BCAS1: variants seen among roughly 807,000 people sequenced by gnomAD.
BCAS1 encodes the protein breast carcinoma-amplified sequence 1.
A neutral mutation model predicts 65.4 loss-of-function variants in BCAS1; 46 were observed. The ratio of observed to expected loss-of-function variants is 0.70; its 90% CI spans 0.55 to 0.90. BCAS1 has a LOEUF of 0.90. Ranked by LOEUF, BCAS1 falls within the 40% of genes least tolerant of loss-of-function variation. BCAS1 has a pLI of 0.00. For missense variants in BCAS1, 793 were observed against 771.2 expected (o/e 1.03, Z -0.33); for synonymous variants, 298 against 293.5 (o/e 1.02, Z -0.16).
intron 3 of BCAS1, among the ~76,000 whole-genome samples, chr20:54,043,322 TGATGATGACGATGA>T (rs2092035148): frequency 1.3e-5 from 2 of 149,632 alleles, no homozygotes; most frequent in South Asian, 4.2e-4. Flanking sequence ...ATGATGATGA[TGATGATGACGATGA>T]TTTTTTTTAT....
intron 9 of BCAS1, among the ~76,000 whole-genome samples, chr20:53,971,668 T>G (rs1040260979): frequency 1.3e-5 from 2 of 152,256 alleles, no homozygotes; most frequent in Non-Finnish European, 2.9e-5. Context: ...AATTAAATTT[T>G]ATTTGAAAGC....
chr20:53,945,946 AT>A (rs1233967176), intron 12 of BCAS1, among the ~76,000 whole-genome samples: 1 of 151,680 alleles, frequency 6.6e-6, no homozygotes, highest in African/African-American at 2.4e-5. Flanking sequence ...TAATTTTAAA[AT>A]TTTTTTTGTA....
At chr20:53,945,181 C>G (rs902890840) in intron 12 of BCAS1, among the ~76,000 whole-genome samples, 185 bp from the exon 13 acceptor site, 4 of 152,208 alleles carry the variant, frequency 2.6e-5, no homozygotes, top group Non-Finnish European at 4.4e-5. Context: ...AGTTACATGA[C>G]TTTCTAGCTT....
chr20:54,034,702 T>C (rs1337796109), intron 3 of BCAS1, among the ~76,000 whole-genome samples: 1 of 151,354 alleles, frequency 6.6e-6, no homozygotes, highest in Non-Finnish European at 1.5e-5. Context: ...AAAATGGCCA[T>C]ATTGCCCAGA....
intron 3 of BCAS1, among the ~76,000 whole-genome samples, chr20:54,034,410 A>G (rs2146147996): frequency 6.6e-6 from 1 of 151,586 alleles, no homozygotes; most frequent in South Asian, 2.1e-4. Flanking sequence ...AAAGCTTCTT[A>G]AGCTGATAAA....
At chr20:53,996,071 A>G (rs986259530) in intron 4 of BCAS1, 21 bp from the exon 5 acceptor site, 2 of 1,555,660 alleles carry the variant, frequency 1.3e-6, no homozygotes, top group Admixed American at 2.0e-5. Context: ...AACAGTTGTC[A>G]CAGTTGCCAC....
chr20:53,963,544 G>T (rs1201568917), intron 10 of BCAS1, among the ~76,000 whole-genome samples: 4 of 152,112 alleles, frequency 2.6e-5, no homozygotes, highest in Non-Finnish European at 5.9e-5. Context: ...CAATGATTTG[G>T]TGAATCAAAG....
At chr20:54,056,765 C>A (rs2092302600) in intron 3 of BCAS1, among the ~76,000 whole-genome samples, 1 of 152,128 alleles carries the variant, frequency 6.6e-6, no homozygotes, top group Non-Finnish European at 1.5e-5. Context: ...CTGTAATATA[C>A]CTCCTTCATT....
Position 53,991,341 on chromosome 20 carries a change from A to G in BCAS1, c.1062+1171T>C, listed in dbSNP as rs114792001. The stretch of plus-strand genomic sequence containing the variant: ...TCTTCACAGAACAAAATTATCCTGT[A>G]TGGAAATTGAAAGGTGGCTTCATAA... On this transcript the variant is annotated intron_variant, in intron 7 of 12. Transcript: ENST00000688948. Among the ~76,000 whole-genome samples the G allele has an allele frequency of 6.6e-3, 1,006 of 152,302 alleles. 10 individuals are homozygous for G. The highest frequency in any genetic ancestry group is 0.023 in the African/African-American group (963 of 41,562).
chr20:53,970,705 T>C (rs2145660247), intron 9 of BCAS1, among the ~76,000 whole-genome samples: 1 of 152,348 alleles, frequency 6.6e-6, no homozygotes, highest in Admixed American at 6.5e-5. Flanking sequence ...TTTCCCTTTT[T>C]GCCTCAAATT....
At chr20:53,994,424 C>T (rs189199728) in intron 6 of BCAS1, among the ~76,000 whole-genome samples, 5 of 152,330 alleles carry the variant, frequency 3.3e-5, no homozygotes, top group Admixed American at 6.5e-5. Context: ...GGCTCTCTAG[C>T]GTGTCCTAAC....
At chr20:53,960,980 T>C (rs751806255) in intron 10 of BCAS1, among the ~76,000 whole-genome samples, 2 of 152,242 alleles carry the variant, frequency 1.3e-5, no homozygotes, top group Non-Finnish European at 2.9e-5. Flanking sequence ...ACTTTCTTCA[T>C]GGAGTTAATT....
intron 4 of BCAS1, among the ~76,000 whole-genome samples, chr20:54,008,176 G>T (rs2091243395): frequency 6.6e-6 from 1 of 152,158 alleles, no homozygotes; most frequent in South Asian, 2.1e-4. Flanking sequence ...AAAGCCAAGT[G>T]GGGAGCCTAG....
intron 3 of BCAS1, among the ~76,000 whole-genome samples, chr20:54,056,747 A>T (rs2092302263): frequency 6.6e-6 from 1 of 152,164 alleles, no homozygotes; most frequent in African/African-American, 2.4e-5. Flanking sequence ...AAAGCTTTGG[A>T]ACCAATGCTG....
intron 4 of BCAS1, among the ~76,000 whole-genome samples, chr20:53,997,941 GGGTTCC>G (rs758200143): frequency 2.0e-5 from 3 of 152,178 alleles, no homozygotes; most frequent in Non-Finnish European, 4.4e-5. Flanking sequence ...CCAGGGCTGT[GGGTTCC>G]GCCTTCTCCA....
At chr20:54,054,198 C>T (rs1011388065) in intron 3 of BCAS1, among the ~76,000 whole-genome samples, 3 of 152,110 alleles carry the variant, frequency 2.0e-5, no homozygotes, top group Admixed American at 6.5e-5. Flanking sequence ...TCCCATGACA[C>T]GTGGGGATTA....
chr20:53,994,020 T>A (rs963298423), intron 6 of BCAS1, among the ~76,000 whole-genome samples: 4 of 152,192 alleles, frequency 2.6e-5, no homozygotes, highest in African/African-American at 9.7e-5. Flanking sequence ...TTTATAGACA[T>A]GAAGACTTGG....
At chr20:53,987,818 G>A (rs1005106850) in intron 7 of BCAS1, among the ~76,000 whole-genome samples, 5 of 152,140 alleles carry the variant, frequency 3.3e-5, no homozygotes, top group African/African-American at 1.2e-4. Flanking sequence ...TTGATCTGAA[G>A]GGTGACTGAA....
chr20:54,058,856 T>C, intron 1 of BCAS1, 133 bp from the exon 2 acceptor site: 1 of 980,128 alleles, frequency 1.0e-6, no homozygotes, highest in Non-Finnish European at 1.5e-6. Context: ...AACAAATTGC[T>C]TGTATTAGTC....
Sources: gnomAD v4.1 joint callset for allele counts (sites outside exome capture counted in the v4.1 genomes callset) on GRCh38, gnomAD v4.1.1 for gene constraint, MANE v1.5 for transcripts, NCBI Gene and HGNC (gene_info 2026-07-23, HGNC 2026-07-21) for gene names.